CLVS1: variants seen among roughly 807,000 people sequenced by gnomAD.
CLVS1 encodes clavesin-1.
CLVS1 carries 10 observed loss-of-function variants against 33.1 expected under a neutral mutation model. That is an observed-to-expected ratio of 0.30 (90% CI 0.19 to 0.51). CLVS1 has a LOEUF of 0.51. CLVS1 is among the 20% of genes least tolerant of loss of function. The pLI, the probability that CLVS1 is intolerant of heterozygous loss-of-function variation, is 0.97. For missense variants in CLVS1, 343 were observed against 433.4 expected, an observed-to-expected ratio of 0.79 and a Z score of 1.85; for synonymous variants, 163 against 166.1, an observed-to-expected ratio of 0.98 and a Z score of 0.14.
intron 2 of CLVS1, among the ~76,000 whole-genome samples, chr8:61,358,808 T>A (rs1328138265): frequency 1.3e-5 from 2 of 152,222 alleles, no homozygotes; most frequent in African/African-American, 4.8e-5. Context: ...TAGATTTAAG[T>A]TGTCCACCCA....
chr8:61,016,232 G>T, the CLVS1 span, among the ~76,000 whole-genome samples: 6 of 152,232 alleles, frequency 3.9e-5, no homozygotes, highest in South Asian at 1.2e-3. Flanking sequence ...GTATGTGCAA[G>T]TATTCCAAAA....
intron 2 of CLVS1, among the ~76,000 whole-genome samples, chr8:61,160,390 C>G (rs1806729182): frequency 6.6e-6 from 1 of 152,118 alleles, no homozygotes; most frequent in South Asian, 2.1e-4. Context: ...GTAAACAAAA[C>G]AAAACAAGCA....
At chr8:61,253,390 TTA>T (rs1808995352) in intron 2 of CLVS1, among the ~76,000 whole-genome samples, 1 of 152,208 alleles carries the variant, frequency 6.6e-6, no homozygotes, top group Admixed American at 6.5e-5. Context: ...AATCTGACAA[TTA>T]TACGTCTTGG....
chr8:61,263,924 A>G (rs954014756), intron 2 of CLVS1, among the ~76,000 whole-genome samples: 8 of 152,246 alleles, frequency 5.3e-5, no homozygotes, highest in African/African-American at 1.9e-4. Flanking sequence ...TTCTGGCACT[A>G]AACAAGCATC....
At chr8:60,966,336 TCTC>T in the CLVS1 span, 6 of 455,172 alleles carry the variant, frequency 1.3e-5, no homozygotes, top group Non-Finnish European at 2.2e-5. Flanking sequence ...CTTTTTGTCT[TCTC>T]CTTTTCACGG....
chr8:61,213,004 A>G (rs182923677), intron 2 of CLVS1, among the ~76,000 whole-genome samples: 1 of 152,156 alleles, frequency 6.6e-6, no homozygotes, highest in East Asian at 2.0e-4. Flanking sequence ...GGCTTCTTCC[A>G]GCTCATCCTA....
the CLVS1 span, among the ~76,000 whole-genome samples, chr8:61,023,221 A>G: frequency 1.3e-5 from 2 of 152,350 alleles, no homozygotes; most frequent in Admixed American, 6.5e-5. Context: ...ATTCTTTAAC[A>G]TGGATGTTTG....
the CLVS1 span, among the ~76,000 whole-genome samples, chr8:61,013,485 C>T: frequency 4.6e-5 from 7 of 152,180 alleles, no homozygotes; most frequent in Non-Finnish European, 7.4e-5. Context: ...TTCTCTCTCT[C>T]GGTCCTTTGG....
chr8:61,220,465 T>C (rs117600957), intron 2 of CLVS1, among the ~76,000 whole-genome samples: 1,891 of 152,276 alleles, frequency 0.012, 13 homozygotes, highest in Non-Finnish European at 0.02. Context: ...GATCAGATAG[T>C]TGTAGATGAG....
chr8:61,214,632 C>A (rs1355177678), intron 2 of CLVS1, among the ~76,000 whole-genome samples: 1 of 152,168 alleles, frequency 6.6e-6, no homozygotes, highest in Non-Finnish European at 1.5e-5. Flanking sequence ...ACCTCCAGAA[C>A]TGTGAGAAAA....
chr8:61,208,041 T>C (rs755503901), intron 2 of CLVS1, among the ~76,000 whole-genome samples: 4 of 152,320 alleles, frequency 2.6e-5, no homozygotes, highest in Non-Finnish European at 5.9e-5. Flanking sequence ...AGCAGGAAAT[T>C]CAGGAAATTT....
the CLVS1 span, among the ~76,000 whole-genome samples, chr8:61,048,076 C>T: frequency 2.2e-4 from 33 of 152,230 alleles, no homozygotes; most frequent in African/African-American, 6.7e-4. Context: ...AAAAGGGAGG[C>T]GCATGTTTGG....
chr8:61,157,541 G>A (rs955365279), intron 2 of CLVS1, among the ~76,000 whole-genome samples: 1 of 151,966 alleles, frequency 6.6e-6, no homozygotes, highest in Admixed American at 6.6e-5. Flanking sequence ...TAAAAAGAGC[G>A]AACATTAATT....
At chr8:61,160,467 G>A (rs577498610) in intron 2 of CLVS1, among the ~76,000 whole-genome samples, 1 of 152,284 alleles carries the variant, frequency 6.6e-6, no homozygotes, top group East Asian at 1.9e-4. Flanking sequence ...CAGCCCAGGG[G>A]AACTTGCAGT....
intron 5 of CLVS1, among the ~76,000 whole-genome samples, chr8:61,475,038 C>T (rs893951571): frequency 4.6e-5 from 7 of 152,138 alleles, no homozygotes; most frequent in Admixed American, 2.6e-4. Flanking sequence ...TGAGTGAGAA[C>T]ATGCAGGGTT....
At chr8:61,130,280 A>T (rs1019505105) in intron 1 of CLVS1, among the ~76,000 whole-genome samples, 1 of 123,116 alleles carries the variant, frequency 8.1e-6, no homozygotes, top group Non-Finnish European at 1.7e-5. Context: ...AATAAATATA[A>T]AAATAATTTA....
At chr8:61,475,104 T>C (rs1271285947) in intron 5 of CLVS1, among the ~76,000 whole-genome samples, 2 of 152,206 alleles carry the variant, frequency 1.3e-5, no homozygotes, top group African/African-American at 2.4e-5. Context: ...GCTTCATCCA[T>C]GTCCCTACAA....
At chr8:61,417,505 A>G (rs546202173) in intron 3 of CLVS1, among the ~76,000 whole-genome samples, 2 of 152,306 alleles carry the variant, frequency 1.3e-5, no homozygotes, top group African/African-American at 2.4e-5. Flanking sequence ...GCCCAACTAC[A>G]GGTGCACTGA....
intron 2 of CLVS1, among the ~76,000 whole-genome samples, chr8:61,191,436 C>A (rs1429143046): frequency 6.6e-6 from 1 of 152,162 alleles, no homozygotes; most frequent in South Asian, 2.1e-4. Context: ...TGGACAAAAA[C>A]TGGAAGCATT....
Sources: gnomAD v4.1 joint callset for allele counts (sites outside exome capture counted in the v4.1 genomes callset) on GRCh38, gnomAD v4.1.1 for gene constraint, MANE v1.5 for transcripts, NCBI Gene and HGNC (gene_info 2026-07-23, HGNC 2026-07-21) for gene names.